Variants in EVL observed in about 807,000 individuals in gnomAD.
EVL encodes Enah/Vasp-like, also known as ena/VASP-like protein.
EVL carries 21 observed loss-of-function variants against 59.6 expected under a neutral mutation model. That is an observed-to-expected ratio of 0.35 (90% CI 0.25 to 0.51). EVL has a LOEUF of 0.51. Ranked by LOEUF, EVL falls within the 20% of genes least tolerant of loss-of-function variation. The pLI is 0.97. For synonymous variants in EVL, 198 were observed against 203.5 expected, an observed-to-expected ratio of 0.97 and a Z score of 0.23; for missense variants, 462 against 546.6, an observed-to-expected ratio of 0.85 and a Z score of 1.54.
chr14:99,975,921 C>T (rs1033724985), intron 1 of EVL, among the ~76,000 whole-genome samples: 1 of 152,144 alleles, frequency 6.6e-6, no homozygotes, highest in African/African-American at 2.4e-5. Context: ...ATCTCCTTCT[C>T]ACTGTCTGTC....
chr14:100,049,825 T>C (rs2061617101), intron 1 of EVL, among the ~76,000 whole-genome samples: 1 of 152,192 alleles, frequency 6.6e-6, no homozygotes, highest in African/African-American at 2.4e-5. Flanking sequence ...TCACCAGCCC[T>C]AGGCAACCCC....
intron 1 of EVL, among the ~76,000 whole-genome samples, chr14:100,039,635 A>G (rs1450532385): frequency 6.6e-6 from 1 of 152,162 alleles, no homozygotes; most frequent in Non-Finnish European, 1.5e-5. Flanking sequence ...AATAAACCAC[A>G]TTTAAGAAAT....
chr14:100,022,283 T>TG (rs987263573), intron 1 of EVL, among the ~76,000 whole-genome samples: 2 of 150,750 alleles, frequency 1.3e-5, no homozygotes, highest in African/African-American at 4.9e-5. Flanking sequence ...GGTTTGTTTT[T>TG]TTTTTTTTTT....
At chr14:100,002,376 C>T (rs1412949307) in intron 1 of EVL, among the ~76,000 whole-genome samples, 2 of 151,916 alleles carry the variant, frequency 1.3e-5, no homozygotes, top group African/African-American at 4.8e-5. Flanking sequence ...TTATGGCAGC[C>T]ATATTCAGAG....
At chr14:100,091,767 A>G (rs2062569477) in intron 2 of EVL, among the ~76,000 whole-genome samples, 1 of 152,204 alleles carries the variant, frequency 6.6e-6, no homozygotes, top group Non-Finnish European at 1.5e-5. Flanking sequence ...GTGGGTCGGA[A>G]GCACAAGTCA....
intron 3 of EVL, among the ~76,000 whole-genome samples, chr14:100,120,680 C>A (rs1249877277): frequency 6.6e-6 from 1 of 152,170 alleles, no homozygotes; most frequent in South Asian, 2.1e-4. Flanking sequence ...TGCAGGAGGT[C>A]AGCTATGGAG....
chr14:99,979,522 G>A (rs1018203572), intron 1 of EVL, among the ~76,000 whole-genome samples: 1 of 151,576 alleles, frequency 6.6e-6, no homozygotes, highest in African/African-American at 2.4e-5. Context: ...TGTGTCTGTC[G>A]ATTCTGCATC....
At chr14:99,994,666 G>C (rs1312349010) in intron 1 of EVL, among the ~76,000 whole-genome samples, 1 of 151,892 alleles carries the variant, frequency 6.6e-6, no homozygotes, top group Non-Finnish European at 1.5e-5. Context: ...ATTCTATACT[G>C]TTTAAAAGTT....
intron 1 of EVL, among the ~76,000 whole-genome samples, chr14:100,033,141 G>A (rs552434080): frequency 3.3e-5 from 5 of 152,142 alleles, no homozygotes; most frequent in East Asian, 1.9e-4. Flanking sequence ...TAAAAGGGCC[G>A]AATGGTAGAT....
At chr14:100,088,915 G>A (rs1379253111) in intron 2 of EVL, among the ~76,000 whole-genome samples, 3 of 152,120 alleles carry the variant, frequency 2.0e-5, no homozygotes, top group African/African-American at 4.8e-5. Context: ...AGATCCCAAC[G>A]AGGCCTCCAA....
intron 1 of EVL, among the ~76,000 whole-genome samples, chr14:100,017,435 G>C (rs772382190): frequency 3.9e-5 from 6 of 152,188 alleles, no homozygotes; most frequent in African/African-American, 7.2e-5. Context: ...TGTCCGGTTA[G>C]AGATCATCTT....
intron 1 of EVL, among the ~76,000 whole-genome samples, chr14:99,987,986 C>T (rs1275426061): frequency 7.3e-6 from 1 of 137,556 alleles, no homozygotes; most frequent in African/African-American, 2.8e-5. Flanking sequence ...GTGATCTTGG[C>T]TCACCACTAT....
intron 1 of EVL, among the ~76,000 whole-genome samples, chr14:99,995,537 T>A (rs1595550465): frequency 7.6e-6 from 1 of 130,726 alleles, no homozygotes; most frequent in Non-Finnish European, 1.7e-5. Flanking sequence ...TTTTAGTTCA[T>A]TGAGCATCCT....
At chr14:100,024,466 C>T (rs2061177962) in intron 1 of EVL, among the ~76,000 whole-genome samples, 1 of 152,194 alleles carries the variant, frequency 6.6e-6, no homozygotes, top group Non-Finnish European at 1.5e-5. Flanking sequence ...GAGGTAGAGA[C>T]TGGGCCAGGC....
intron 1 of EVL, among the ~76,000 whole-genome samples, chr14:100,037,777 G>A (rs1595599338): frequency 6.6e-6 from 1 of 152,216 alleles, no homozygotes; most frequent in Non-Finnish European, 1.5e-5. Flanking sequence ...AAGGGAAAGA[G>A]AAGTAATATT....
intron 2 of EVL, among the ~76,000 whole-genome samples, chr14:100,086,207 G>T (rs2062439889): frequency 6.6e-6 from 1 of 152,164 alleles, no homozygotes; most frequent in Non-Finnish European, 1.5e-5. Context: ...GTGGTATAAT[G>T]GTATAAATGT....
chr14:100,004,324 A>C (rs2060964922), intron 1 of EVL, among the ~76,000 whole-genome samples: 1 of 152,228 alleles, frequency 6.6e-6, no homozygotes, highest in Non-Finnish European at 1.5e-5. Flanking sequence ...GTACTATTTC[A>C]CACCTTTAAA....
intron 2 of EVL, among the ~76,000 whole-genome samples, chr14:100,095,623 C>CA (rs1299336268): frequency 6.6e-6 from 1 of 151,840 alleles, no homozygotes; most frequent in Non-Finnish European, 1.5e-5. Flanking sequence ...GCACAAAGAG[C>CA]AAAAAAACAG....
chr14:100,126,006 C>T (rs1888048996), intron 4 of EVL, among the ~76,000 whole-genome samples: 1 of 152,222 alleles, frequency 6.6e-6, no homozygotes, highest in Admixed American at 6.5e-5. Flanking sequence ...ACGAGCTGAG[C>T]TCTTGATGCT....
Sources: allele counts gnomAD v4.1 joint callset (sites outside exome capture counted in the v4.1 genomes callset), GRCh38; gene constraint gnomAD v4.1.1; transcripts MANE v1.5; gene names NCBI Gene and HGNC (gene_info 2026-07-23, HGNC 2026-07-21).